Variants in KIAA1217 observed in about 807,000 individuals in gnomAD.
KIAA1217 encodes the protein sickle tail protein homolog.
Under a neutral mutation model 163.9 loss-of-function variants are expected in KIAA1217, and 88 were observed. That is an observed-to-expected ratio of 0.54 (90% CI 0.45 to 0.64). The LOEUF is 0.64. KIAA1217 is among the 30% of genes least tolerant of loss of function. The pLI is 0.00. For synonymous variants in KIAA1217, 903 were observed against 923.1 expected, an observed-to-expected ratio of 0.98 and a Z score of 0.39; for missense variants, 2,372 against 2,475.0, an observed-to-expected ratio of 0.96 and a Z score of 0.88.
At chr10:24,035,867 G>A (rs899408286) in intron 2 of KIAA1217, among the ~76,000 whole-genome samples, 1 of 152,210 alleles carries the variant, frequency 6.6e-6, no homozygotes, top group Non-Finnish European at 1.5e-5. Flanking sequence ...GAGGTGTGAG[G>A]CAGCTCAAAG....
intron 1 of KIAA1217, among the ~76,000 whole-genome samples, chr10:23,745,658 G>A (rs1467156758): frequency 1.3e-5 from 2 of 152,152 alleles, no homozygotes; most frequent in Non-Finnish European, 2.9e-5. Context: ...TACCAGCAAA[G>A]CTTGTGAAGG....
intron 1 of KIAA1217, among the ~76,000 whole-genome samples, chr10:23,793,248 A>C (rs758342925): frequency 6.8e-4 from 104 of 152,150 alleles, no homozygotes; most frequent in Non-Finnish European, 1.3e-3. Flanking sequence ...GAACTTCACA[A>C]GTGAGTGGAG....
At chr10:24,532,952 T>A (rs2073346550) in intron 15 of KIAA1217, 118 bp from the exon 16 acceptor site, 1 of 839,684 alleles carries the variant, frequency 1.2e-6, no homozygotes, top group Non-Finnish European at 1.7e-6. Flanking sequence ...TCAGCTATTT[T>A]CTCAGCTAAG....
In KIAA1217 at chr10:24,295,402, G is replaced by A. The variant is rs528056678; in HGVS notation, c.354+75493G>A. On this transcript the variant is annotated intron_variant, in intron 2 of 20. Transcript: ENST00000376454. The stretch of plus-strand genomic sequence containing the variant: ...CAGATATAAATAGTTCAGCATTTTC[G>A]TTTCTTATCAAAGATTTATGACTGT... 1.2e-3 allele frequency among the ~76,000 whole-genome samples: 181 copies of A among 152,200 alleles called. 1 individual carries two copies. In the Middle Eastern group the frequency reaches 0.02, roughly 17 times the overall value.
At chr10:23,781,491 A>G (rs925686266) in intron 1 of KIAA1217, among the ~76,000 whole-genome samples, 1 of 152,144 alleles carries the variant, frequency 6.6e-6, no homozygotes, top group Non-Finnish European at 1.5e-5. Flanking sequence ...TTAACCCCTT[A>G]TATAGATATA....
In KIAA1217 at chr10:24,543,151, C is replaced by T; in HGVS notation, c.3881C>T (p.Pro1294Leu). 1 of 1,613,360 alleles carries T rather than the reference C, an allele frequency of 6.2e-7. No homozygotes were observed. The highest frequency in any genetic ancestry group is 8.5e-7 in the Non-Finnish European group (1 of 1,179,960). ...SKISGLQYSIPDTENQTLNYG... is the reference protein window; with the variant it reads ...SKISGLQYSILDTENQTLNYG... ...ATCTCAGGCCTGCAATACTCTATAC[C>T]TGACACCGAGAACCAGACGCTGAAT... The change falls in exon 19 of 21, where the codon CCT becomes CTT. Residue 1294 changes from proline (P) to leucine (L), a missense_variant. This residue lies in a region of KIAA1217 where 251 missense variants were observed against 327.3 expected (regional missense o/e 0.77). Transcript: ENST00000376454.
chr10:24,468,179 C>T (rs888603118), intron 5 of KIAA1217, among the ~76,000 whole-genome samples: 2 of 152,160 alleles, frequency 1.3e-5, no homozygotes, highest in Non-Finnish European at 2.9e-5. Flanking sequence ...GACTTGAAAA[C>T]ATCCCTCCAG....
At chr10:24,167,260 T>C (rs1362781024) in intron 2 of KIAA1217, among the ~76,000 whole-genome samples, 2 of 142,816 alleles carry the variant, frequency 1.4e-5, no homozygotes, top group Admixed American at 1.5e-4. Context: ...CTTAGAAATA[T>C]TAGAAAGGTT....
rs199890594 is a variant in KIAA1217, at chr10:24,543,238, C to A, written c.3968C>A (p.Thr1323Asn). 1.9e-6 allele frequency: 3 copies of A among 1,613,704 alleles called. No individual in the cohort carries two copies. The highest frequency in any genetic ancestry group is 1.1e-5 in the South Asian group (1 of 91,058). Residue 1323 changes from threonine (T) to asparagine (N), a missense_variant, in exon 19 of 21, where the codon ACT becomes AAT. Physicochemically the swap from Thr to Asn is moderately conservative, Grantham distance 65 (BLOSUM62 0). This residue lies in a region of KIAA1217 where 251 missense variants were observed against 327.3 expected (regional missense o/e 0.77). Coordinates refer to ENST00000376454, the MANE Select transcript of KIAA1217 (RefSeq NM_019590.5). Reference protein sequence around the residue: ...NTDKCHVSSHTRLTESSVHDF... With the variant: ...NTDKCHVSSHNRLTESSVHDF... ...GATAAGTGTCACGTTTCCTCTCACACTAGACTAACAGAATCAAGCGTGCAT... is the reference window on the plus strand; with the variant it reads ...GATAAGTGTCACGTTTCCTCTCACAATAGACTAACAGAATCAAGCGTGCAT...
intron 2 of KIAA1217, among the ~76,000 whole-genome samples, chr10:24,088,256 C>CATACAT (rs1554861322): frequency 5.2e-5 from 5 of 95,856 alleles, no homozygotes; most frequent in African/African-American, 1.7e-4. Context: ...TTTTAATATA[C>CATACAT]ATATATATAT....
At chr10:24,385,676 G>C (rs2053907908) in intron 3 of KIAA1217, among the ~76,000 whole-genome samples, 2 of 152,282 alleles carry the variant, frequency 1.3e-5, no homozygotes, top group African/African-American at 4.8e-5. Context: ...TGGGTTCCCT[G>C]CCCTTTCCTC....
intron 1 of KIAA1217, among the ~76,000 whole-genome samples, chr10:23,707,965 G>A (rs1398561200): frequency 2.0e-5 from 3 of 152,184 alleles, no homozygotes; most frequent in African/African-American, 7.2e-5. Context: ...AGGGAGAAAA[G>A]CAGGGTGTAT....
At chr10:23,918,781 C>G (rs1015760049) in intron 1 of KIAA1217, among the ~76,000 whole-genome samples, 8 of 151,094 alleles carry the variant, frequency 5.3e-5, no homozygotes, top group Admixed American at 2.0e-4. Context: ...TAGTAAGTGA[C>G]AATAACAGCA....
At chr10:24,015,888 T>C (rs1386756065) in intron 2 of KIAA1217, among the ~76,000 whole-genome samples, 1 of 152,030 alleles carries the variant, frequency 6.6e-6, no homozygotes, top group African/African-American at 2.4e-5. Context: ...GGATGTGCCC[T>C]CTTCCTGTTT....
At chr10:23,959,535 A>C (rs1474269333) in intron 1 of KIAA1217, among the ~76,000 whole-genome samples, 1 of 152,216 alleles carries the variant, frequency 6.6e-6, no homozygotes, top group African/African-American at 2.4e-5. Flanking sequence ...ATGAATGCAT[A>C]GATTTCTAAA....
intron 1 of KIAA1217, among the ~76,000 whole-genome samples, chr10:23,714,250 C>G (rs1837434095): frequency 6.8e-6 from 1 of 146,658 alleles, no homozygotes; most frequent in South Asian, 2.1e-4. Flanking sequence ...CAATAACTTG[C>G]TTACTAACCA....
chr10:24,118,609 G>C (rs1182734064), intron 2 of KIAA1217, among the ~76,000 whole-genome samples: 2 of 152,186 alleles, frequency 1.3e-5, no homozygotes, highest in Non-Finnish European at 2.9e-5. Context: ...ACAAGAGGAC[G>C]CCTTCAAACA....
intron 1 of KIAA1217, among the ~76,000 whole-genome samples, chr10:23,811,088 ATATT>A (rs1837022431): frequency 8.7e-6 from 1 of 114,868 alleles, no homozygotes; most frequent in Non-Finnish European, 1.6e-5. Flanking sequence ...ATAGTACACT[ATATT>A]ATATATACTA....
intron 2 of KIAA1217, among the ~76,000 whole-genome samples, chr10:24,065,733 AC>A (rs2060915819): frequency 6.6e-6 from 1 of 152,122 alleles, no homozygotes; most frequent in Non-Finnish European, 1.5e-5. Flanking sequence ...TCTCATGTTG[AC>A]AGTAGGGTGT....
Sources: gnomAD v4.1 joint callset for allele counts (sites outside exome capture counted in the v4.1 genomes callset) on GRCh38, gnomAD v4.1.1 for gene constraint, gnomAD v4.1.1 regional missense constraint, MANE v1.5 for transcripts, NCBI Gene and HGNC (gene_info 2026-07-23, HGNC 2026-07-21) for gene names.